KCP: variants seen among roughly 807,000 people sequenced by gnomAD.
KCP encodes kielin/chordin-like protein.
KCP carries 194 observed loss-of-function variants against 212.7 expected under a neutral mutation model. The observed-to-expected ratio is 0.91, with a 90% CI of 0.81 to 1.03. The LOEUF is 1.03. KCP is among the 50% of genes least tolerant of loss of function. The pLI, the probability that KCP is intolerant of heterozygous loss-of-function variation, is 0.00. For synonymous variants in KCP, 833 were observed against 865.3 expected, an observed-to-expected ratio of 0.96 and a Z score of 0.65; for missense variants, 2,080 against 2,162.5, an observed-to-expected ratio of 0.96 and a Z score of 0.76.
At chr7:128,895,829 A>C (rs749869506) in intron 8 of KCP, among the ~76,000 whole-genome samples, 1 of 152,236 alleles carries the variant, frequency 6.6e-6, no homozygotes, top group Non-Finnish European at 1.5e-5. Context: ...AGAAGGGGGC[A>C]TCATGAATAA....
intron 22 of KCP, 125 bp downstream of exon 22, chr7:128,888,738 C>T (rs1021682169): frequency 3.6e-5 from 33 of 923,044 alleles, no homozygotes; most frequent in Admixed American, 2.3e-4. Context: ...GTGAGGGAGT[C>T]GGAGAGTGAG....
rs528445852 is a variant in KCP at position 128,890,519 on chromosome 7, G to T, written c.2165-6C>A. 3 of 1,545,282 alleles carry T rather than the reference G, an allele frequency of 1.9e-6. No individual in the cohort carries two copies. The highest frequency in any genetic ancestry group is 2.7e-5 in the African/African-American group (2 of 73,042). On this transcript the variant is annotated splice_polypyrimidine_tract_variant and splice_region_variant and intron_variant, in intron 20 of 39. Transcript: ENST00000610776. ...CTTCCCCTGGTACAGGCAGCCTGGG[G>T]AGAAGGGCAGGGGCTGGGGGGCCGT...
chr7:128,904,986 T>A (rs1585255171), intron 5 of KCP, among the ~76,000 whole-genome samples: 1 of 74,112 alleles, frequency 1.3e-5, no homozygotes, highest in Admixed American at 1.1e-4. Context: ...CCCTGAAGAG[T>A]GTGTGTGTGT....
rs1708229028 is a variant in KCP, at chr7:128,908,137, AAAAAAG to A, written c.219+283_219+288del. Among the ~76,000 whole-genome samples, 6 of 139,056 alleles carry A rather than the reference AAAAAAG, an allele frequency of 4.3e-5. No homozygotes were observed. The South Asian group carries it at 1.4e-3, about 33-fold the overall frequency. 91.2% of individuals were successfully genotyped at this position (139,056 alleles called of 152,430 possible). A position where few individuals can be genotyped will look rare whatever the true frequency, so the allele number is the denominator to read the frequency against. ...CATGGTGACTCCATCTCAAAAAAAA[AAAAAAG>A]AAAGAGAGAGAGAGAAAGAGAGAAG... On this transcript the variant is annotated intron_variant, in intron 2 of 39. Transcript: ENST00000610776.
chr7:128,887,876 AACAT>A (rs1196404991), intron 22 of KCP, among the ~76,000 whole-genome samples: 2 of 134,144 alleles, frequency 1.5e-5, no homozygotes, highest in African/African-American at 2.8e-5. Flanking sequence ...CAGCCACACA[AACAT>A]ACACATAGCC....
chr7:128,879,445 C>A, intron 37 of KCP, 77 bp downstream of exon 37: 1 of 1,284,406 alleles, frequency 7.8e-7, no homozygotes, highest in South Asian at 1.4e-5. Flanking sequence ...ATCCCCACCC[C>A]CTCTACAGAT....
At chr7:128,900,266 A>T (rs1169884255) in intron 8 of KCP, among the ~76,000 whole-genome samples, 2 of 152,252 alleles carry the variant, frequency 1.3e-5, no homozygotes, top group Non-Finnish European at 2.9e-5. Context: ...AACTAGAGAC[A>T]GAAATATTAT....
chr7:128,887,373 C>T, intron 22 of KCP, 73 bp from the exon 23 acceptor site: 1 of 1,146,116 alleles, frequency 8.7e-7, no homozygotes, highest in Non-Finnish European at 1.3e-6. Context: ...CACACAGCCC[C>T]TCCCCCTCCA....
chr7:128,900,212 A>G (rs1191724409), intron 8 of KCP, among the ~76,000 whole-genome samples: 1 of 152,224 alleles, frequency 6.6e-6, no homozygotes, highest in Non-Finnish European at 1.5e-5. Flanking sequence ...AAATATAATA[A>G]AGCAAGTCAG....
intron 22 of KCP, among the ~76,000 whole-genome samples, chr7:128,887,780 CA>C (rs1793764553): frequency 6.6e-6 from 1 of 150,762 alleles, no homozygotes; most frequent in African/African-American, 2.4e-5. Flanking sequence ...CACACACACA[CA>C]TACACGCACC....
intron 22 of KCP, among the ~76,000 whole-genome samples, chr7:128,888,388 CCACA>C (rs888506820): frequency 1.6e-5 from 2 of 126,032 alleles, no homozygotes; most frequent in Non-Finnish European, 3.4e-5. Flanking sequence ...ACACACACAG[CCACA>C]CACAGATACA....
At chr7:128,880,312 C>T (rs2128944340) in intron 34 of KCP, 74 bp downstream of exon 34, 1 of 1,453,366 alleles carries the variant, frequency 6.9e-7, no homozygotes, top group South Asian at 1.4e-5. Context: ...TCTCTGATGC[C>T]TGGTCACACC....
rs920517281 is a variant in KCP, at chr7:128,877,291, G to A, written c.4639C>T (p.Arg1547Cys). Reference sequence around the variant, plus strand: ...CCGCACTCATCAAACACGAAGCCACGCTCCAGGGGGCAGCCTACCACTGCA... The same window carrying A: ...CCGCACTCATCAAACACGAAGCCACACTCCAGGGGGCAGCCTACCACTGCA... ...TLCVVGCPLE[R>C]GFVFDECGPP... The change falls in exon 40 of 40, where the codon CGT (arginine) becomes TGT (cysteine). Residue 1547 changes from arginine (R) to cysteine (C), a missense_variant. Physicochemically the swap from Arg to Cys is radical, Grantham distance 180. Transcript: ENST00000610776. The A allele has an allele frequency of 4.6e-6, 7 of 1,512,550 alleles. No homozygotes were observed. Among genetic ancestry groups the A allele is most frequent in the South Asian group, 1.3e-5 (1 of 78,244 alleles). The allele number at this position is 1,512,550 out of a possible 1,614,324, so 93.7% of individuals were successfully genotyped here.
At position 128,888,610 on chromosome 7, in the gene KCP, CCAGA is replaced by C. The variant is rs766064176; in HGVS notation, c.2512+249_2512+252del. 1.7e-3 allele frequency among the ~76,000 whole-genome samples: 215 copies of C among 124,640 alleles called. 2 individuals carry two copies. Among genetic ancestry groups the C allele is most frequent in the Non-Finnish European group, 2.1e-3 (121 of 57,884 alleles). 81.8% of individuals were successfully genotyped at this position (124,640 alleles called of 152,430 possible). A position where few individuals can be genotyped will look rare whatever the true frequency, so the allele number is the denominator to read the frequency against. On this transcript the variant is annotated intron_variant, in intron 22 of 39. Coordinates refer to ENST00000610776, the MANE Select transcript of KCP (RefSeq NM_001366122.1). ...CACACACAGAGCCACACACACACAG[CCAGA>C]CACACACACACACATACAGACACAC...
At chr7:128,900,168 C>T (rs35383832) in intron 8 of KCP, among the ~76,000 whole-genome samples, 38,010 of 152,058 alleles carry the variant, frequency 0.25, 6,079 homozygotes, top group East Asian at 0.53. Flanking sequence ...AAAAAATAAT[C>T]ATTCTTGCGG....
At chr7:128,909,655 C>T (rs940256798) in intron 1 of KCP, among the ~76,000 whole-genome samples, 2 of 152,186 alleles carry the variant, frequency 1.3e-5, no homozygotes, top group African/African-American at 4.8e-5. Context: ...CTGCCTCCAT[C>T]TGTGCCCCTT....
At chr7:128,902,691 G>T in intron 8 of KCP, 86 bp downstream of exon 8, 1 of 1,259,720 alleles carries the variant, frequency 7.9e-7, no homozygotes, top group South Asian at 1.3e-5. Flanking sequence ...CAACACCTCT[G>T]CGAAGTACTC....
chr7:128,905,385 C>T (rs1191728702), intron 5 of KCP, among the ~76,000 whole-genome samples: 1 of 152,146 alleles, frequency 6.6e-6, no homozygotes, highest in Non-Finnish European at 1.5e-5. Context: ...GCCAGTAACA[C>T]CCCCCTGCAT....
chr7:128,908,178 A>T (rs1257895318), intron 2 of KCP, among the ~76,000 whole-genome samples: 1 of 145,788 alleles, frequency 6.9e-6, no homozygotes, highest in East Asian at 2.2e-4. Flanking sequence ...GAAGGATGGA[A>T]GGAAGGAAGG....
Sources: gnomAD v4.1 joint callset for allele counts (sites outside exome capture counted in the v4.1 genomes callset) on GRCh38, gnomAD v4.1.1 for gene constraint, MANE v1.5 for transcripts, NCBI Gene and HGNC (gene_info 2026-07-23, HGNC 2026-07-21) for gene names.